CUBN: variants seen among roughly 807,000 people sequenced by gnomAD.
CUBN encodes the protein cubilin, also known as 460 kDa receptor.
Under a neutral mutation model 405.3 loss-of-function variants are expected in CUBN, and 282 were observed. That is an observed-to-expected ratio of 0.70 (90% confidence interval 0.63 to 0.77). CUBN has a LOEUF of 0.77. Ranked by LOEUF, CUBN falls within the 30% of genes least tolerant of loss-of-function variation. The pLI is 0.00. For missense variants in CUBN, 4,514 were observed against 4,475.2 expected (o/e 1.01, Z -0.25); for synonymous variants, 1,684 against 1,617.0 (o/e 1.04, Z -0.99).
intron 29 of CUBN, among the ~76,000 whole-genome samples, chr10:16,985,772 T>C (rs1564462881): frequency 6.6e-6 from 1 of 152,014 alleles, no homozygotes; most frequent in Non-Finnish European, 1.5e-5. Flanking sequence ...TGCGACGGGG[T>C]GGTCAGGGAA....
chr10:16,864,266 T>C (rs17426529), intron 59 of CUBN, among the ~76,000 whole-genome samples: 6,407 of 152,282 alleles, frequency 0.042, 195 homozygotes, highest in Non-Finnish European at 0.066. Context: ...ATTTGACGGT[T>C]AGGTGTCACT....
intron 17 of CUBN, among the ~76,000 whole-genome samples, chr10:17,075,563 T>C (rs1015321286): frequency 6.6e-6 from 1 of 152,118 alleles, no homozygotes; most frequent in Non-Finnish European, 1.5e-5. Flanking sequence ...AAAAGACATA[T>C]ACAGATCCAC....
intron 17 of CUBN, among the ~76,000 whole-genome samples, chr10:17,082,142 T>A (rs1268411863): frequency 1.3e-5 from 2 of 152,194 alleles, no homozygotes; most frequent in Non-Finnish European, 2.9e-5. Flanking sequence ...TGCATTTGCA[T>A]TATTTTTTTT....
At chr10:16,851,126 A>G in intron 60 of CUBN, 109 bp downstream of exon 60, 1 of 854,882 alleles carries the variant, frequency 1.2e-6, no homozygotes, top group Non-Finnish European at 2.0e-6. Context: ...AAAAAGCAGT[A>G]GCACCTGTAC....
At chr10:17,118,364 T>C (rs908103050) in intron 6 of CUBN, among the ~76,000 whole-genome samples, 14 of 152,246 alleles carry the variant, frequency 9.2e-5, no homozygotes, top group Non-Finnish European at 1.9e-4. Context: ...TGCACCATTG[T>C]TCCTGCATGT....
chr10:16,950,416 C>T (rs1842896687), intron 33 of CUBN, among the ~76,000 whole-genome samples: 1 of 151,962 alleles, frequency 6.6e-6, no homozygotes, highest in African/African-American at 2.4e-5. Context: ...ATCTCATGTA[C>T]CCCATACATA....
Position 17,084,382 on chromosome 10 carries a change from G to A in CUBN, c.2190C>T (p.His730=), listed in dbSNP as rs775788938. 8.7e-6 allele frequency: 14 copies of A among 1,614,110 alleles called. No individual in the cohort carries two copies. The highest frequency in any genetic ancestry group is 1.2e-5 in the Non-Finnish European group (14 of 1,180,008). The change falls in exon 17 of 67, where the codon CAC becomes CAT. Residue 730 remains histidine, a synonymous_variant. Coordinates refer to ENST00000377833, the MANE Select transcript of CUBN (RefSeq NM_001081.4). ...TCATCATATAGACGCATTGCCTGGT[G>A]TGAGTGAAAGGCCCAGACAACTCAG... The part of the protein sequence containing the change: ...FLPELSGPFT[H]TRQCVYMMKQ...
chr10:17,119,014 T>C (rs549737243), intron 6 of CUBN, among the ~76,000 whole-genome samples: 7 of 152,330 alleles, frequency 4.6e-5, no homozygotes, highest in African/African-American at 1.7e-4. Context: ...ATTTTGGCAA[T>C]TGAGAAGAGG....
In CUBN at chr10:16,952,322, A is replaced by G. The variant is rs1273915003; in HGVS notation, c.4923T>C (p.Tyr1641=). 4.3e-6 allele frequency: 7 copies of G among 1,613,982 alleles called. No individual in the cohort carries two copies. The East Asian group carries it at 1.6e-4, about 36-fold the overall frequency. The stretch of plus-strand genomic sequence containing the variant: ...TCCAGCTGCAGTTCTGATTGTTTGG[A>G]TAATTGGCAGGGAACCGTGGAGAGG... ...TVSSPRFPAN[Y]PNNQNCSWII... Residue 1641 remains tyrosine (Y), a synonymous_variant, in exon 33 of 67, where the codon TAT becomes TAC. Coordinates refer to ENST00000377833, the MANE Select transcript of CUBN (RefSeq NM_001081.4).
At chr10:16,950,964 G>C (rs1409321518) in intron 33 of CUBN, among the ~76,000 whole-genome samples, 1 of 152,196 alleles carries the variant, frequency 6.6e-6, no homozygotes, top group African/African-American at 2.4e-5. Context: ...GCTAGAGCTA[G>C]TGCCCTAAGG....
At chr10:17,019,704 C>A in intron 28 of CUBN, 129 bp downstream of exon 28, 1 of 1,100,520 alleles carries the variant, frequency 9.1e-7, no homozygotes, top group East Asian at 2.4e-5. Context: ...TTCTTAAACC[C>A]TTGCATGAGA....
intron 28 of CUBN, among the ~76,000 whole-genome samples, chr10:17,005,193 G>A (rs1394240648): frequency 1.3e-5 from 2 of 152,044 alleles, no homozygotes; most frequent in African/African-American, 4.8e-5. Context: ...CCTATCAGTT[G>A]GTTTCTGATA....
At chr10:17,081,010 T>C (rs187837119) in intron 17 of CUBN, among the ~76,000 whole-genome samples, 20 of 152,156 alleles carry the variant, frequency 1.3e-4, no homozygotes, top group Admixed American at 1.1e-3. Flanking sequence ...AAGAGAGATA[T>C]ATAAATCTAA....
At chr10:16,829,279 C>G (rs927526316) in intron 65 of CUBN, among the ~76,000 whole-genome samples, 1 of 148,574 alleles carries the variant, frequency 6.7e-6, no homozygotes, top group Non-Finnish European at 1.5e-5. Context: ...GCCTGCATAT[C>G]ACAACCCAGG....
intron 66 of CUBN, among the ~76,000 whole-genome samples, chr10:16,825,307 T>C (rs1838741425): frequency 6.6e-6 from 1 of 152,016 alleles, no homozygotes; most frequent in Non-Finnish European, 1.5e-5. Flanking sequence ...GGACTGCAAA[T>C]GGGTACTGGG....
intron 28 of CUBN, among the ~76,000 whole-genome samples, chr10:16,991,629 CTGT>C (rs1197193331): frequency 1.9e-5 from 1 of 53,692 alleles, no homozygotes; most frequent in South Asian, 6.5e-4. Context: ...GCCTCTTTTT[CTGT>C]TTTTTTTTTT....
intron 34 of CUBN, among the ~76,000 whole-genome samples, chr10:16,949,436 T>G (rs549346751): frequency 8.6e-4 from 86 of 100,338 alleles, no homozygotes; most frequent in African/African-American, 2.9e-3. Flanking sequence ...AATGGCCTGG[T>G]GTGTGTGTGT....
At chr10:17,091,712 G>T (rs912533789) in intron 14 of CUBN, among the ~76,000 whole-genome samples, 1 of 152,108 alleles carries the variant, frequency 6.6e-6, no homozygotes, top group African/African-American at 2.4e-5. Flanking sequence ...TAATAGAAAA[G>T]CAGATTTCAT....
intron 56 of CUBN, among the ~76,000 whole-genome samples, chr10:16,886,156 C>T (rs1340076201): frequency 6.6e-6 from 1 of 152,146 alleles, no homozygotes; most frequent in East Asian, 1.9e-4. Flanking sequence ...CAGTGACATA[C>T]ATTGATTTAC....
Sources: gnomAD v4.1 joint callset for allele counts (sites outside exome capture counted in the v4.1 genomes callset) on GRCh38, gnomAD v4.1.1 for gene constraint, MANE v1.5 for transcripts, NCBI Gene and HGNC (gene_info 2026-07-23, HGNC 2026-07-21) for gene names.